Variants in FDFT1 observed in about 807,000 individuals in gnomAD.
The protein encoded by FDFT1 is farnesyl-diphosphate farnesyltransferase 1, also known as squalene synthase.
Under a neutral mutation model 46.8 loss-of-function variants are expected in FDFT1, and 68 were observed. The observed-to-expected ratio is 1.45, with a 90% CI of 1.19 to 1.78. The LOEUF (loss-of-function observed/expected upper bound fraction) is 1.78, where lower values mean the gene tolerates loss of function less well. Among genes scored for constraint, FDFT1 ranks in the 40% most tolerant of loss-of-function variants. The pLI, the probability that FDFT1 is intolerant of heterozygous loss-of-function variation, is 0.00. For missense variants in FDFT1, 928 were observed against 524.4 expected (o/e 1.77, Z -7.52); for synonymous variants, 351 against 185.1 (o/e 1.90, Z -7.28).
chr8:11,838,558 G>A lies in FDFT1; in HGVS notation c.1203G>A (p.Leu401=). 6.2e-7 allele frequency: 1 copy of A among 1,613,602 alleles called. No homozygotes were observed. The highest frequency in any genetic ancestry group is 8.5e-7 in the Non-Finnish European group (1 of 1,179,838). Residue 401 remains leucine, a synonymous_variant, in exon 8 of 8, where the codon CTG becomes CTA. Transcript: ENST00000220584. ...MLLAALSWQY[L]TTLSQVTEDY... ...TGGCTGCCCTGAGCTGGCAGTACCT[G>A]ACCACTCTCTCCCAGGTAACAGAAG...
chr8:11,824,643 C>A (rs554708704), intron 4 of FDFT1, among the ~76,000 whole-genome samples: 1 of 151,962 alleles, frequency 6.6e-6, no homozygotes, highest in African/African-American at 2.4e-5. Context: ...AAATCGACTT[C>A]TTTGTGCCTC....
chr8:11,829,990 G>T (rs993325315), intron 5 of FDFT1, among the ~76,000 whole-genome samples: 1 of 152,232 alleles, frequency 6.6e-6, no homozygotes, highest in South Asian at 2.1e-4. Context: ...TGGGATTACA[G>T]GCGCCTGCCA....
intron 7 of FDFT1, among the ~76,000 whole-genome samples, chr8:11,834,696 C>G (rs1212534786): frequency 6.6e-6 from 1 of 152,206 alleles, no homozygotes; most frequent in South Asian, 2.1e-4. Flanking sequence ...CAAGCTGATT[C>G]CATATTCGCA....
intron 7 of FDFT1, among the ~76,000 whole-genome samples, chr8:11,836,259 G>C (rs111977088): frequency 6.4e-4 from 98 of 152,284 alleles, no homozygotes; most frequent in Non-Finnish European, 6.5e-4. Flanking sequence ...ATGGCATCAG[G>C]GCACTCAGGT....
intron 7 of FDFT1, among the ~76,000 whole-genome samples, chr8:11,832,364 G>A (rs917692048): frequency 1.3e-5 from 2 of 151,442 alleles, no homozygotes; most frequent in African/African-American, 2.4e-5. Flanking sequence ...AGACCAGCCC[G>A]GGCGACATAG....
intron 7 of FDFT1, among the ~76,000 whole-genome samples, chr8:11,836,139 C>T (rs998239505): frequency 7.4e-6 from 1 of 135,782 alleles, no homozygotes; most frequent in Non-Finnish European, 1.6e-5. Context: ...GGTGACAGAG[C>T]GAGACACCAT....
At position 11,826,216 on chromosome 8, in the gene FDFT1, G is replaced by A; in HGVS notation, c.702+1G>A. 3 of 1,527,254 alleles carry A rather than the reference G, an allele frequency of 2.0e-6. No individual in the cohort carries two copies. The allele number at this position is 1,527,254 out of a possible 1,614,324, so 94.6% of individuals were successfully genotyped here. On this transcript the variant is annotated splice_donor_variant, in intron 5 of 7. Coordinates refer to ENST00000220584, the MANE Select transcript of FDFT1 (RefSeq NM_004462.5). LOFTEE classifies it high-confidence loss of function. Reference sequence around the variant, plus strand: ...AGGAAGAGAGTTCTGGCCTCAAGAGGTAACAGATTCAGGGTATTTTGGGGG... The same window carrying A: ...AGGAAGAGAGTTCTGGCCTCAAGAGATAACAGATTCAGGGTATTTTGGGGG...
chr8:11,828,811 C>G (rs1810371409), intron 5 of FDFT1, among the ~76,000 whole-genome samples: 1 of 152,218 alleles, frequency 6.6e-6, no homozygotes, highest in Non-Finnish European at 1.5e-5. Context: ...GTTTTCAGGG[C>G]TCCTCCATGC....
chr8:11,829,324 C>G (rs1810451266), intron 5 of FDFT1, among the ~76,000 whole-genome samples: 1 of 152,196 alleles, frequency 6.6e-6, no homozygotes, highest in African/African-American at 2.4e-5. Context: ...TCGCTAGCTT[C>G]AGAGAATCCT....
intron 1 of FDFT1, chr8:11,808,451 C>G (rs1807192065): frequency 1.7e-5 from 22 of 1,269,996 alleles, no homozygotes; most frequent in South Asian, 6.2e-5. Context: ...CGTCCCGCCC[C>G]TCGTCGGGCG....
intron 7 of FDFT1, among the ~76,000 whole-genome samples, chr8:11,833,387 A>AT (rs112927485): frequency 3.3e-5 from 5 of 152,228 alleles, no homozygotes; most frequent in African/African-American, 1.2e-4. Context: ...CCCTTTCTAA[A>AT]TGGAATCCTG....
intron 7 of FDFT1, among the ~76,000 whole-genome samples, chr8:11,835,913 C>T (rs1485944486): frequency 7.4e-6 from 1 of 134,942 alleles, no homozygotes; most frequent in African/African-American, 2.7e-5. Context: ...GCAGGCGGAT[C>T]ACTTGAGGTC....
rs773119736 is a variant in FDFT1, at chr8:11,826,015, C to G, written c.511-9C>G. The G allele has an allele frequency of 6.6e-6, 10 of 1,524,926 alleles. No homozygotes were observed. Among genetic ancestry groups the G allele is most frequent in the African/African-American group, 2.7e-5 (2 of 72,838 alleles). 94.5% of individuals were successfully genotyped at this position (1,524,926 alleles called of 1,614,324 possible). A position where few individuals can be genotyped will look rare whatever the true frequency, so the allele number is the denominator to read the frequency against. ...ATTATTAAAGTGCTTTAAAAATCGT[C>G]TCTTACAGTACTGCCACTATGTTGC... is the stretch of plus-strand genomic sequence containing the variant. On this transcript the variant is annotated splice_polypyrimidine_tract_variant and intron_variant, in intron 4 of 7. Coordinates refer to ENST00000220584, the MANE Select transcript of FDFT1 (RefSeq NM_004462.5).
At chr8:11,821,648 C>A in intron 3 of FDFT1, 102 bp from the exon 4 acceptor site, 1 of 1,335,578 alleles carries the variant, frequency 7.5e-7, no homozygotes. Flanking sequence ...ATAGATGAAC[C>A]ATTGCAGTCA....
At chr8:11,821,154 A>G (rs554708606) in intron 3 of FDFT1, among the ~76,000 whole-genome samples, 2 of 152,324 alleles carry the variant, frequency 1.3e-5, no homozygotes, top group Admixed American at 1.3e-4. Flanking sequence ...TCTCCCAAAA[A>G]CTTAAACCCA....
In FDFT1 at chr8:11,839,104, G is replaced by A. The variant is rs1008053068; in HGVS notation, c.*495G>A. On this transcript the variant is annotated 3_prime_UTR_variant, in exon 8 of 8. Coordinates refer to ENST00000220584, the MANE Select transcript of FDFT1 (RefSeq NM_004462.5). ...TTTATGGTTTAGGTAACAGTTAGAT[G>A]TTTCCTAAGAATGCAAACTGCCTTT... The A allele has an allele frequency of 6.4e-6, 1 of 156,592 alleles. No homozygotes were observed. The highest frequency in any genetic ancestry group is 2.4e-5 in the African/African-American group (1 of 41,440). The allele number at this position is 156,592 out of a possible 1,614,324, so 9.7% of individuals were successfully genotyped here.
At chr8:11,832,202 C>G (rs532358390) in intron 7 of FDFT1, among the ~76,000 whole-genome samples, 17 of 152,098 alleles carry the variant, frequency 1.1e-4, no homozygotes, top group African/African-American at 3.9e-4. Context: ...CCAAAACCAT[C>G]CTATAAAAAG....
chr8:11,803,302 A>T (rs1563291856), intron 1 of FDFT1: 2 of 1,305,778 alleles, frequency 1.5e-6, no homozygotes, highest in Admixed American at 4.5e-5. Context: ...GTTTTTTGGT[A>T]AGCGGAATGA....
intron 3 of FDFT1, 152 bp from the exon 4 acceptor site, chr8:11,821,598 A>G: frequency 1.1e-6 from 1 of 889,770 alleles, no homozygotes; most frequent in Admixed American, 2.4e-5. Flanking sequence ...CTCAAAAACA[A>G]AAACAAAAAC....
Sources: gnomAD v4.1 joint callset for allele counts (sites outside exome capture counted in the v4.1 genomes callset) on GRCh38, gnomAD v4.1.1 for gene constraint, MANE v1.5 for transcripts, NCBI Gene and HGNC (gene_info 2026-07-23, HGNC 2026-07-21) for gene names.